STIM2: variants seen among roughly 807,000 people sequenced by gnomAD.
The protein encoded by STIM2 is stromal interaction molecule 2.
Under a neutral mutation model 85.8 loss-of-function variants are expected in STIM2, and 31 were observed. That is an observed-to-expected ratio of 0.36 (90% confidence interval 0.27 to 0.49). The LOEUF (loss-of-function observed/expected upper bound fraction) is 0.49. Among genes scored for constraint, STIM2 ranks in the 20% least tolerant of loss-of-function variants. STIM2 has a pLI of 0.98. For missense variants in STIM2, 841 were observed against 927.6 expected, an observed-to-expected ratio of 0.91 and a Z score of 1.21; for synonymous variants, 356 against 331.1, an observed-to-expected ratio of 1.08 and a Z score of -0.82.
chr4:26,897,063 T>C (rs918441310), intron 1 of STIM2, among the ~76,000 whole-genome samples: 3 of 152,218 alleles, frequency 2.0e-5, no homozygotes, highest in African/African-American at 7.2e-5. Context: ...AATATTTCAT[T>C]GTATGGAGGT....
At chr4:26,940,485 G>T (rs139994231) in intron 2 of STIM2, among the ~76,000 whole-genome samples, 2 of 152,210 alleles carry the variant, frequency 1.3e-5, no homozygotes, top group Non-Finnish European at 2.9e-5. Flanking sequence ...AAAGTCTCAT[G>T]CTGGACCCAT....
At chr4:27,007,964 C>T (rs1276403040) in intron 8 of STIM2, 1 of 721,988 alleles carries the variant, frequency 1.4e-6, no homozygotes, top group Non-Finnish European at 2.6e-6. Context: ...AAGTTTTATA[C>T]AGAGCTTTTT....
intron 1 of STIM2, among the ~76,000 whole-genome samples, chr4:26,906,333 A>G (rs114740141): frequency 0.013 from 2,051 of 152,034 alleles, 18 homozygotes; most frequent in Middle Eastern, 0.024. Flanking sequence ...TGCTTTGCCT[A>G]TTACCTGGGT....
chr4:26,981,741 A>AT (rs1727404263), intron 3 of STIM2, among the ~76,000 whole-genome samples: 1 of 152,338 alleles, frequency 6.6e-6, no homozygotes, highest in African/African-American at 2.4e-5. Context: ...TTTGTAGTAA[A>AT]TAACTAAATT....
chr4:26,974,249 T>G (rs1577473029), intron 3 of STIM2, among the ~76,000 whole-genome samples: 1 of 152,214 alleles, frequency 6.6e-6, no homozygotes, highest in East Asian at 1.9e-4. Context: ...AGGTTAATAT[T>G]GTTATGTGTG....
At chr4:27,004,140 A>G (rs577186172) in intron 7 of STIM2, among the ~76,000 whole-genome samples, 1 of 152,234 alleles carries the variant, frequency 6.6e-6, no homozygotes, top group South Asian at 2.1e-4. Context: ...TCAACTCATG[A>G]GAATACATTA....
At chr4:26,867,354 A>T (rs1358860970) in intron 1 of STIM2, among the ~76,000 whole-genome samples, 1 of 152,232 alleles carries the variant, frequency 6.6e-6, no homozygotes, top group Non-Finnish European at 1.5e-5. Context: ...TTTTTAAAAA[A>T]ATATAATCGG....
chr4:26,997,925 A>G (rs1277521421), intron 4 of STIM2, among the ~76,000 whole-genome samples: 1 of 152,234 alleles, frequency 6.6e-6, no homozygotes, highest in Non-Finnish European at 1.5e-5. Context: ...CTTAGAGAGT[A>G]CTGATATCTT....
At chr4:26,928,179 G>A (rs1287693630) in intron 2 of STIM2, among the ~76,000 whole-genome samples, 1 of 152,034 alleles carries the variant, frequency 6.6e-6, no homozygotes, top group Non-Finnish European at 1.5e-5. Context: ...CCTGAGGGTT[G>A]GGCCCTTATG....
chr4:26,865,682 T>TA (rs1457675151), intron 1 of STIM2, among the ~76,000 whole-genome samples: 1 of 152,142 alleles, frequency 6.6e-6, no homozygotes, highest in Non-Finnish European at 1.5e-5. Flanking sequence ...ATATGGATAA[T>TA]AAGCCATTTT....
intron 1 of STIM2, among the ~76,000 whole-genome samples, chr4:26,918,442 A>AG (rs1553847766): frequency 6.6e-6 from 1 of 152,118 alleles, no homozygotes; most frequent in Non-Finnish European, 1.5e-5. Context: ...AACTAATGAC[A>AG]GCTAATTGAT....
In STIM2 at chr4:27,022,835, C is replaced by T. The variant is rs142749005; in HGVS notation, c.2080C>T (p.Arg694Cys). ...CAGTGGCATCCCGGTGCCTAAACCT[C>T]GCCACACATCATGTTCCTCAGCTGG... The change falls in exon 12 of 12, where the codon CGC (arginine) becomes TGC (cysteine). Residue 694 changes from arginine to cysteine, a missense_variant. Physicochemically the swap from Arg to Cys is radical, Grantham distance 180. This residue lies in a region of STIM2 where 293 missense variants were observed against 284.5 expected (regional missense o/e 1.03). Coordinates refer to ENST00000467087, the MANE Select transcript of STIM2 (RefSeq NM_020860.4). 8.1e-6 allele frequency: 13 copies of T among 1,614,208 alleles called. No homozygotes were observed. The highest frequency in any genetic ancestry group is 3.3e-4 in the Middle Eastern group (2 of 6,062).
chr4:26,960,431 T>C (rs1726407077), intron 3 of STIM2, among the ~76,000 whole-genome samples: 1 of 152,212 alleles, frequency 6.6e-6, no homozygotes, highest in African/African-American at 2.4e-5. Flanking sequence ...CATGCAAATA[T>C]ATGCATTCAT....
In STIM2 at chr4:26,934,913, CAAAAA is replaced by C. The variant is rs1160656482; in HGVS notation, c.282+15298_282+15302del. On this transcript the variant is annotated intron_variant, in intron 2 of 11. Coordinates refer to ENST00000467087, the MANE Select transcript of STIM2 (RefSeq NM_020860.4). ...GGGCAATAAGAGCGAAACTCCATCTCAAAAAAAAAAAAAAAAAAAAAAAGAACAAA... is the reference window on the plus strand; with the variant it reads ...GGGCAATAAGAGCGAAACTCCATCTCAAAAAAAAAAAAAAAAAAGAACAAA... Among the ~76,000 whole-genome samples the C allele has an allele frequency of 6.9e-5, 4 of 57,614 alleles. No individual in the cohort carries two copies. The East Asian group carries it at 1.4e-3, about 20-fold the overall frequency. 37.8% of individuals were successfully genotyped at this position (57,614 alleles called of 152,430 possible).
chr4:27,006,491 T>G (rs754918524), intron 7 of STIM2, among the ~76,000 whole-genome samples: 2 of 152,206 alleles, frequency 1.3e-5, no homozygotes, highest in Non-Finnish European at 2.9e-5. Flanking sequence ...CGCTCGTAGC[T>G]TTGCCTCAAG....
chr4:27,002,362 T>G lies in STIM2; in HGVS notation c.771T>G (p.Thr257=). ...TGAAAGATTTAGAGAGCTTACAAAC[T>G]GCAGAGCAAAGTCTAATGGACTTAC... Residue 257 remains threonine (T), a synonymous_variant, in exon 6 of 12, where the codon ACT becomes ACG. Transcript: ENST00000467087. The G allele has an allele frequency of 6.2e-7, 1 of 1,612,188 alleles. No homozygotes were observed. Among genetic ancestry groups the G allele is most frequent in the African/African-American group, 1.3e-5 (1 of 74,866 alleles).
intron 3 of STIM2, among the ~76,000 whole-genome samples, chr4:26,991,110 T>C (rs1367987206): frequency 1.3e-5 from 2 of 152,090 alleles, no homozygotes; most frequent in Non-Finnish European, 2.9e-5. Context: ...GAAATCATTG[T>C]TCCAAATGAT....
intron 1 of STIM2, among the ~76,000 whole-genome samples, chr4:26,886,120 C>A (rs1277534855): frequency 6.6e-6 from 1 of 151,882 alleles, no homozygotes; most frequent in Non-Finnish European, 1.5e-5. Flanking sequence ...AGAACATTTA[C>A]TTTCATATTC....
intron 4 of STIM2, among the ~76,000 whole-genome samples, chr4:26,998,095 C>T (rs1024462071): frequency 2.0e-5 from 3 of 152,124 alleles, no homozygotes; most frequent in Non-Finnish European, 4.4e-5. Context: ...ATAAGGTTTT[C>T]TTGAGTATTA....
Sources: allele counts gnomAD v4.1 joint callset (sites outside exome capture counted in the v4.1 genomes callset), GRCh38; gene constraint gnomAD v4.1.1; regional missense constraint gnomAD v4.1.1; transcripts MANE v1.5; gene names NCBI Gene and HGNC (gene_info 2026-07-23, HGNC 2026-07-21).